PDE6B: variants seen among roughly 807,000 people sequenced by gnomAD.
PDE6B encodes the protein phosphodiesterase 6B, also known as rod cGMP-specific 3',5'-cyclic phosphodiesterase subunit beta.
PDE6B carries 106 observed loss-of-function variants against 109.0 expected under a neutral mutation model. The ratio of observed to expected loss-of-function variants is 0.97; its 90% CI spans 0.83 to 1.14. The LOEUF (loss-of-function observed/expected upper bound fraction) is 1.14. PDE6B is among the 50% of genes most tolerant of loss of function. The pLI is 0.00. For synonymous variants in PDE6B, 490 were observed against 471.3 expected, an observed-to-expected ratio of 1.04 and a Z score of -0.51; for missense variants, 1,193 against 1,155.6, an observed-to-expected ratio of 1.03 and a Z score of -0.47.
At chr4:644,962 T>G (rs565886718) in intron 3 of PDE6B, among the ~76,000 whole-genome samples, 20 of 152,208 alleles carry the variant, frequency 1.3e-4, no homozygotes, top group African/African-American at 4.8e-4. Flanking sequence ...CAGCTTTTGC[T>G]TCATGTGTTT....
intron 12 of PDE6B, 144 bp from the exon 13 acceptor site, chr4:661,990 G>T (rs1044535289): frequency 2.9e-6 from 2 of 680,602 alleles, no homozygotes; most frequent in Admixed American, 2.0e-5. Context: ...GAAACGCAGG[G>T]ATGGGGAAGA....
In PDE6B at chr4:666,144, A is replaced by G. The variant is rs1737768040; in HGVS notation, c.2269-387A>G. On this transcript the variant is annotated intron_variant, in intron 19 of 21. Coordinates refer to ENST00000496514, the MANE Select transcript of PDE6B (RefSeq NM_000283.4). This position sits in a 1 kb window ranked among gnomAD's most constrained non-coding sequence, Gnocchi z 5.6. The stretch of plus-strand genomic sequence containing the variant: ...AGCACGTCTGTGTCTGCCCCAGGCG[A>G]GTGCACAGCGAGGTCCTGGTCAGCC... Among the ~76,000 whole-genome samples, 1 of 152,158 alleles carries G rather than the reference A, an allele frequency of 6.6e-6. No homozygotes were observed. Among genetic ancestry groups the G allele is most frequent in the Admixed American group, 6.5e-5 (1 of 15,286 alleles).
At chr4:634,150 C>T (rs1287712246) in intron 1 of PDE6B, among the ~76,000 whole-genome samples, 4 of 152,064 alleles carry the variant, frequency 2.6e-5, no homozygotes, top group Non-Finnish European at 5.9e-5. Context: ...ACTCCCACCC[C>T]GGCCTGCCAG....
intron 17 of PDE6B, 43 bp from the exon 18 acceptor site, chr4:664,838 C>G: frequency 6.6e-7 from 1 of 1,511,054 alleles, no homozygotes; most frequent in Non-Finnish European, 9.2e-7. Context: ...CACCTGCCCT[C>G]AGGAGACGCC....
chr4:639,615 T>A (rs1734852770), intron 3 of PDE6B, among the ~76,000 whole-genome samples: 1 of 152,176 alleles, frequency 6.6e-6, no homozygotes, highest in African/African-American at 2.4e-5. Context: ...GGTGCAGAAC[T>A]GGAAACTGTC....
intron 1 of PDE6B, among the ~76,000 whole-genome samples, chr4:631,527 C>A (rs1025190984): frequency 2.0e-5 from 3 of 151,830 alleles, no homozygotes; most frequent in African/African-American, 7.3e-5. Flanking sequence ...GTGACACCGT[C>A]TGAGGGTTAC....
chr4:638,553 C>T (rs1313771378), intron 3 of PDE6B, among the ~76,000 whole-genome samples: 3 of 152,124 alleles, frequency 2.0e-5, no homozygotes, highest in Non-Finnish European at 4.4e-5. Flanking sequence ...GAACTCCTGA[C>T]CTCAAATGAT....
chr4:659,652 A>G (rs939698670), intron 11 of PDE6B, among the ~76,000 whole-genome samples: 5 of 149,156 alleles, frequency 3.4e-5, no homozygotes, highest in African/African-American at 7.4e-5. Context: ...GTGTGTGCAC[A>G]TGTGTGCCCA....
rs764240745 is a variant in PDE6B at position 660,581 on chromosome 4, G to T, written c.1582G>T (p.Gly528Cys). 6.2e-7 allele frequency: 1 copy of T among 1,613,820 alleles called. No individual in the cohort carries two copies. The highest frequency in any genetic ancestry group is 1.7e-5 in the Admixed American group (1 of 60,000). Residue 528 changes from glycine to cysteine, a missense_variant, in exon 12 of 22, where the codon GGC becomes TGC. Physicochemically the swap from Gly to Cys is radical, Grantham distance 159 (BLOSUM62 -3). Coordinates refer to ENST00000496514, the MANE Select transcript of PDE6B (RefSeq NM_000283.4). ...TGGCATCCAGATGTACTACGAGCTGGGCGTGGTCCGAAAGTTCCAGATCCC... is the reference window on the plus strand; with the variant it reads ...TGGCATCCAGATGTACTACGAGCTGTGCGTGGTCCGAAAGTTCCAGATCCC... ...KCGIQMYYELGVVRKFQIPQE... is the reference protein window; with the variant it reads ...KCGIQMYYELCVVRKFQIPQE...
At chr4:627,412 C>G (rs150539458) in intron 1 of PDE6B, among the ~76,000 whole-genome samples, 1,830 of 152,226 alleles carry the variant, frequency 0.012, 155 homozygotes, top group Admixed American at 0.1. Context: ...TTCCAAAGTG[C>G]TGGGATAACA....
intron 1 of PDE6B, among the ~76,000 whole-genome samples, chr4:634,469 C>T (rs1734543388): frequency 6.6e-6 from 1 of 152,146 alleles, no homozygotes. Flanking sequence ...GCATCCTCCG[C>T]ACAGGGGTGC....
In PDE6B at chr4:634,944, T is replaced by C. The variant is rs574064577; in HGVS notation, c.621+115T>C. On this transcript the variant is annotated intron_variant, in intron 2 of 21. Coordinates refer to ENST00000496514, the MANE Select transcript of PDE6B (RefSeq NM_000283.4). ...ACCTGCCTGCCCGCCTGCCCGTGTG[T>C]TCTCTGCTGCGTGTCTGCCTCCTTA... 1.9e-4 allele frequency: 161 copies of C among 843,674 alleles called. 1 individual carries two copies. The East Asian group carries it at 4.2e-3, about 22-fold the overall frequency. The allele number at this position is 843,674 out of a possible 1,614,324, so 52.3% of individuals were successfully genotyped here. A position where few individuals can be genotyped will look rare whatever the true frequency, so the allele number is the denominator to read the frequency against.
intron 3 of PDE6B, among the ~76,000 whole-genome samples, chr4:651,306 G>GAGGCGGCGGTGTCA: frequency 1.3e-5 from 2 of 152,158 alleles, no homozygotes; most frequent in East Asian, 1.9e-4. Context: ...GGCAGGGGCT[G>GAGGCGGCGGTGTCA]ACCCGTGGGG....
chr4:645,973 G>A (rs760838130), intron 3 of PDE6B, among the ~76,000 whole-genome samples: 11 of 152,090 alleles, frequency 7.2e-5, no homozygotes, highest in Non-Finnish European at 1.2e-4. Context: ...CTATAATCAT[G>A]TAATACACTG....
In PDE6B at chr4:664,150, C is replaced by A. The variant is rs745847282; in HGVS notation, c.2058C>A (p.Ser686=). 2 of 1,612,196 alleles carry A rather than the reference C, an allele frequency of 1.2e-6. No individual in the cohort carries two copies. The highest frequency in any genetic ancestry group is 1.1e-5 in the South Asian group (1 of 91,050). The change falls in exon 17 of 22, where the codon TCC becomes TCA. Residue 686 remains serine (S), a synonymous_variant. Transcript: ENST00000496514. The part of the protein sequence containing the change: ...RAMFQKIVDE[S]KNYQDKKSWV... Reference sequence around the variant, plus strand: ...TGTTTCAGAAGATCGTGGATGAGTCCAAGAACTACCAGGACAAGAAGAGCT... The same window carrying A: ...TGTTTCAGAAGATCGTGGATGAGTCAAAGAACTACCAGGACAAGAAGAGCT...
chr4:670,238 A>ATT lies in PDE6B; in HGVS notation c.*131_*132insTT. On this transcript the variant is annotated 3_prime_UTR_variant, in exon 22 of 22. Coordinates refer to ENST00000496514, the MANE Select transcript of PDE6B (RefSeq NM_000283.4). ...GACTGAAGATCATTCTGGATATTTT[A>ATT]ATTTTTTTTTTTTTTTTTTTTTGAG... 2.4e-6 allele frequency: 3 copies of ATT among 1,261,034 alleles called. No individual in the cohort carries two copies. The highest frequency in any genetic ancestry group is 3.2e-6 in the Non-Finnish European group (3 of 933,658). The allele number at this position is 1,261,034 out of a possible 1,614,324, so 78.1% of individuals were successfully genotyped here.
intron 3 of PDE6B, among the ~76,000 whole-genome samples, chr4:650,674 G>C (rs537178893): frequency 6.6e-6 from 1 of 152,190 alleles, no homozygotes; most frequent in Non-Finnish European, 1.5e-5. Context: ...GAGGGGGGCC[G>C]GCAGGGAGGG....
chr4:660,689 C>T, intron 12 of PDE6B, 76 bp downstream of exon 12: 4 of 1,312,360 alleles, frequency 3.0e-6, no homozygotes, highest in South Asian at 1.2e-5. Flanking sequence ...TGATCAGGGC[C>T]TCAGGTGCCC....
Position 656,301 on chromosome 4 carries a change from C to A in PDE6B, c.1107+9C>A. On this transcript the variant is annotated intron_variant, in intron 8 of 21. Coordinates refer to ENST00000496514, the MANE Select transcript of PDE6B (RefSeq NM_000283.4). ...AAATGTTCAAATTTCAGGTATCTGTCTGTGCCTTGGTAGAAATTATACTTA... is the reference window on the plus strand; with the variant it reads ...AAATGTTCAAATTTCAGGTATCTGTATGTGCCTTGGTAGAAATTATACTTA... The A allele has an allele frequency of 1.3e-6, 2 of 1,501,282 alleles. No individual in the cohort carries two copies. The highest frequency in any genetic ancestry group is 4.5e-5 in the East Asian group (2 of 44,386). 93.0% of individuals were successfully genotyped at this position (1,501,282 alleles called of 1,614,324 possible). A position where few individuals can be genotyped will look rare whatever the true frequency, so the allele number is the denominator to read the frequency against.
Sources: allele counts gnomAD v4.1 joint callset (sites outside exome capture counted in the v4.1 genomes callset), GRCh38; gene constraint gnomAD v4.1.1; non-coding constraint Gnocchi (gnomAD v3.1); transcripts MANE v1.5; gene names NCBI Gene and HGNC (gene_info 2026-07-23, HGNC 2026-07-21).